The following ZNF568 variants were observed in gnomAD, a reference collection of about 807,000 sequenced individuals.
ZNF568 encodes zinc finger protein 568.
ZNF568 carries 11 observed loss-of-function variants against 18.1 expected under a neutral mutation model. That is an observed-to-expected ratio of 0.61 (90% CI 0.38 to 1.00). The LOEUF (loss-of-function observed/expected upper bound fraction) is 1.00, where lower values mean the gene tolerates loss of function less well. Ranked by LOEUF, ZNF568 falls within the 50% of genes least tolerant of loss-of-function variation. ZNF568 has a pLI of 0.01. For missense variants in ZNF568, 639 were observed against 768.2 expected (o/e 0.83, Z 1.99); for synonymous variants, 213 against 246.6 (o/e 0.86, Z 1.28).
chr19:36,928,651 G>A (rs2073626206), intron 4 of ZNF568, among the ~76,000 whole-genome samples: 1 of 151,894 alleles, frequency 6.6e-6, no homozygotes, highest in Non-Finnish European at 1.5e-5. Flanking sequence ...GGCAACAGAA[G>A]AGAAACACAA....
At chr19:36,919,589 T>C (rs1052189828) in intron 2 of ZNF568, among the ~76,000 whole-genome samples, 1 of 152,136 alleles carries the variant, frequency 6.6e-6, no homozygotes, top group African/African-American at 2.4e-5. Context: ...ATGCCACCAC[T>C]AATCTGATAG....
At position 36,937,175 on chromosome 19, in the gene ZNF568, A is replaced by G. The variant is rs1165640366; in HGVS notation, c.291A>G (p.Ile97Met). Reference protein sequence around the residue: ...VGCQVTKPDVIFKLEQEEEPW... With the variant: ...VGCQVTKPDVMFKLEQEEEPW... ...GTCAAGTCACCAAACCGGATGTGATATTCAAGTTGGAGCAAGAAGAGGAGC... is the reference window on the plus strand; with the variant it reads ...GTCAAGTCACCAAACCGGATGTGATGTTCAAGTTGGAGCAAGAAGAGGAGC... The change falls in exon 6 of 7, where the codon ATA becomes ATG. Residue 97 changes from isoleucine (I) to methionine (M), a missense_variant. Coordinates refer to ENST00000333987, the MANE Select transcript of ZNF568 (RefSeq NM_198539.4). 1 of 1,614,066 alleles carries G rather than the reference A, an allele frequency of 6.2e-7. No homozygotes were observed. Among genetic ancestry groups the G allele is most frequent in the Non-Finnish European group, 8.5e-7 (1 of 1,179,940 alleles).
intron 6 of ZNF568, among the ~76,000 whole-genome samples, chr19:36,960,598 C>T (rs939694087): frequency 6.6e-6 from 1 of 151,952 alleles, no homozygotes; most frequent in African/African-American, 2.4e-5. Context: ...GGTGGTGGCA[C>T]TTGCCTGTAA....
intron 6 of ZNF568, chr19:36,974,344 AG>A (rs912704644): frequency 7.7e-7 from 1 of 1,293,890 alleles, no homozygotes; most frequent in Admixed American, 2.1e-5. Flanking sequence ...GGGGTGGGGC[AG>A]GAGTTTGGCC....
Position 36,951,208 on chromosome 19 carries a change from A to C in ZNF568, c.*120A>C. 1.0e-6 allele frequency: 1 copy of C among 960,316 alleles called. No homozygotes were observed. Among genetic ancestry groups the C allele is most frequent in the Non-Finnish European group, 1.4e-6 (1 of 702,026 alleles). 59.5% of individuals were successfully genotyped at this position (960,316 alleles called of 1,614,324 possible). On this transcript the variant is annotated 3_prime_UTR_variant, in exon 7 of 7. Transcript: ENST00000333987. ...ACTTTGTTAAAAGGTGTAAGACTGG[A>C]ATAAATGGAAAGAAATACCATATAC...
rs979025886 is a variant in ZNF568 at position 36,950,771 on chromosome 19, A to G, written c.1618A>G (p.Ser540Gly). The change falls in exon 7 of 7, where the codon AGT (serine) becomes GGT (glycine). Residue 540 changes from serine (S) to glycine (G), a missense_variant. Transcript: ENST00000333987. Reference protein sequence around the residue: ...YHCNQCGKAFSQRQNLLEHEK... With the variant: ...YHCNQCGKAFGQRQNLLEHEK... ...TTGTAATCAATGTGGGAAAGCTTTC[A>G]GTCAGAGACAAAATCTTCTTGAGCA... is the stretch of plus-strand genomic sequence containing the variant. 3.7e-6 allele frequency: 6 copies of G among 1,613,498 alleles called. No homozygotes were observed. The African/African-American group carries it at 8.0e-5, about 22-fold the overall frequency.
At chr19:36,939,126 C>T (rs2073836899) in intron 6 of ZNF568, among the ~76,000 whole-genome samples, 1 of 152,210 alleles carries the variant, frequency 6.6e-6, no homozygotes, top group Non-Finnish European at 1.5e-5. Context: ...TTTACCCTTT[C>T]ATTCTCCCAA....
At chr19:36,924,046 A>G (rs2073503747) in intron 3 of ZNF568, among the ~76,000 whole-genome samples, 1 of 152,140 alleles carries the variant, frequency 6.6e-6, no homozygotes, top group South Asian at 2.1e-4. Flanking sequence ...TGGAAATATT[A>G]ATAAATGCAG....
At chr19:36,944,250 T>C (rs1333271683) in intron 6 of ZNF568, among the ~76,000 whole-genome samples, 1 of 151,442 alleles carries the variant, frequency 6.6e-6, no homozygotes, top group Admixed American at 6.6e-5. Flanking sequence ...AATACAAAAT[T>C]AGTTGGGCGT....
Position 36,921,495 on chromosome 19 carries a change from GA to G in ZNF568, c.-185-1084del, listed in dbSNP as rs761390779. ...AAAGAAAGAAAGTGATCACTGTCAT[GA>G]AAAAAAGTGAGTGTGTGAGGGGTAT... On this transcript the variant is annotated intron_variant, in intron 2 of 6. Coordinates refer to ENST00000333987, the MANE Select transcript of ZNF568 (RefSeq NM_198539.4). 7.2e-5 allele frequency among the ~76,000 whole-genome samples: 11 copies of G among 151,822 alleles called. No individual in the cohort carries two copies. In the East Asian group the frequency reaches 1.7e-3, roughly 24 times the overall value.
chr19:36,990,985 C>T, intron 2 of ZNF568: 1 of 551,888 alleles, frequency 1.8e-6, no homozygotes, highest in Non-Finnish European at 3.1e-6. Flanking sequence ...GTAAGCATGC[C>T]CAAGAACCAT....
At chr19:36,948,332 T>C (rs1328521569) in intron 6 of ZNF568, among the ~76,000 whole-genome samples, 2 of 152,198 alleles carry the variant, frequency 1.3e-5, no homozygotes, top group African/African-American at 4.8e-5. Flanking sequence ...TTGATGAATA[T>C]TTCATTGTCT....
At chr19:36,929,707 G>A (rs1347329474) in intron 4 of ZNF568, among the ~76,000 whole-genome samples, 7 of 148,252 alleles carry the variant, frequency 4.7e-5, no homozygotes, top group Non-Finnish European at 8.9e-5. Context: ...AAAAAAATTA[G>A]CTAGGTTTGG....
chr19:36,948,797 G>A (rs1468684034), intron 6 of ZNF568, among the ~76,000 whole-genome samples: 1 of 151,024 alleles, frequency 6.6e-6, no homozygotes, highest in Non-Finnish European at 1.5e-5. Context: ...GCATTAGGTA[G>A]GACTTCTAGT....
chr19:36,951,711 TG>T lies in ZNF568; in HGVS notation c.*624del, dbSNP rs1286424211. 1.4e-5 allele frequency: 2 copies of T among 146,998 alleles called. No individual in the cohort carries two copies. The highest frequency in any genetic ancestry group is 5.0e-5 in the African/African-American group (2 of 39,828). 9.1% of individuals were successfully genotyped at this position (146,998 alleles called of 1,614,324 possible). ...TTTTTTTGAGACAAGCGTCTCACTC[TG>T]TCGCCCAGGCTGGAGTACGGTGGTG... On this transcript the variant is annotated 3_prime_UTR_variant, in exon 7 of 7. Coordinates refer to ENST00000333987, the MANE Select transcript of ZNF568 (RefSeq NM_198539.4).
intron 4 of ZNF568, among the ~76,000 whole-genome samples, chr19:36,993,803 A>G (rs1342829675): frequency 1.3e-5 from 2 of 152,016 alleles, no homozygotes; most frequent in Admixed American, 6.6e-5. Flanking sequence ...TTGTTGGTCA[A>G]TCTAGCCAAA....
At chr19:36,942,736 TTTG>T (rs2073904579) in intron 6 of ZNF568, among the ~76,000 whole-genome samples, 1 of 152,114 alleles carries the variant, frequency 6.6e-6, no homozygotes, top group East Asian at 1.9e-4. Flanking sequence ...CCAGTTTTGT[TTTG>T]TTTTTTTGCT....
rs1491349260 is a variant in ZNF568 at position 36,952,039 on chromosome 19, T to TG, written c.*951_*952insG. The TG allele has an allele frequency of 1.2e-4, 29 of 232,666 alleles. 1 individual carries two copies. The highest frequency in any genetic ancestry group is 1.3e-4 in the Non-Finnish European group (28 of 208,518). 14.4% of individuals were successfully genotyped at this position (232,666 alleles called of 1,614,324 possible). The stretch of plus-strand genomic sequence containing the variant: ...GTCTATGACGTTGAGGCCAAGGAGC[T>TG]TTTTTTTTTTTTTTTTCAAGACAAA... On this transcript the variant is annotated 3_prime_UTR_variant, in exon 7 of 7. Transcript: ENST00000333987.
At chr19:36,968,559 CTATA>C (rs1305552052) in intron 6 of ZNF568, among the ~76,000 whole-genome samples, 3 of 142,470 alleles carry the variant, frequency 2.1e-5, no homozygotes, top group Non-Finnish European at 4.6e-5. Context: ...AAAAAAAAAA[CTATA>C]TATATATATA....
Sources: allele counts gnomAD v4.1 joint callset (sites outside exome capture counted in the v4.1 genomes callset), GRCh38; gene constraint gnomAD v4.1.1; transcripts MANE v1.5; gene names NCBI Gene and HGNC (gene_info 2026-07-23, HGNC 2026-07-21).